The following POMT1 variants were observed in gnomAD, a reference collection of about 807,000 sequenced individuals.
POMT1 encodes the protein protein O-mannosyl-transferase 1.
A neutral mutation model predicts 101.6 loss-of-function variants in POMT1; 85 were observed. The ratio of observed to expected loss-of-function variants is 0.84; its 90% CI spans 0.70 to 1.00. The LOEUF is 1.00. Ranked by LOEUF, POMT1 falls within the 50% of genes least tolerant of loss-of-function variation. POMT1 has a pLI of 0.00. For missense variants in POMT1, 857 were observed against 930.4 expected, an observed-to-expected ratio of 0.92 and a Z score of 1.03; for synonymous variants, 371 against 383.0, an observed-to-expected ratio of 0.97 and a Z score of 0.37.
chr9:131,508,454 C>A (rs1035040385), intron 5 of POMT1, among the ~76,000 whole-genome samples: 1 of 152,168 alleles, frequency 6.6e-6, no homozygotes, highest in Non-Finnish European at 1.5e-5. Flanking sequence ...TCGCTTGAAC[C>A]CGGGAGGCGG....
At chr9:131,511,127 T>C (rs908189866) in intron 9 of POMT1, 2 of 569,986 alleles carry the variant, frequency 3.5e-6, no homozygotes, top group African/African-American at 3.7e-5. Flanking sequence ...ACTGAGTGCC[T>C]GGCCCAGAGG....
intron 2 of POMT1, among the ~76,000 whole-genome samples, chr9:131,504,747 ATGTGTGTATGTG>A (rs1354449763): frequency 1.5e-4 from 18 of 122,774 alleles, no homozygotes; most frequent in Admixed American, 5.7e-4. Flanking sequence ...TAACTGATTA[ATGTGTGTATGTG>A]TGTGTGTGTG....
At chr9:131,504,871 T>A (rs1033328817) in intron 2 of POMT1, among the ~76,000 whole-genome samples, 3 of 151,246 alleles carry the variant, frequency 2.0e-5, no homozygotes, top group African/African-American at 7.3e-5. Flanking sequence ...CTCTGCCTCC[T>A]GGGTTCAAGC....
At chr9:131,518,768 T>G in intron 14 of POMT1, 69 bp from the exon 15 acceptor site, 1 of 1,612,278 alleles carries the variant, frequency 6.2e-7, no homozygotes, top group Non-Finnish European at 8.5e-7. Context: ...GGGTTCCCCT[T>G]CCAACCCAAG....
At chr9:131,520,454 T>C (rs1949695308) in intron 17 of POMT1, among the ~76,000 whole-genome samples, 1 of 152,192 alleles carries the variant, frequency 6.6e-6, no homozygotes, top group Non-Finnish European at 1.5e-5. Context: ...CTGGCGAAAG[T>C]GGTTTTAAGA....
chr9:131,504,103 G>T lies in POMT1; in HGVS notation c.-30-86G>T. Reference sequence around the variant, plus strand: ...GCCCGGCTGTGCTGTGGTTCTCCTCGTGTGTCCGGGAGCCGGGTGGCTGGG... The same window carrying T: ...GCCCGGCTGTGCTGTGGTTCTCCTCTTGTGTCCGGGAGCCGGGTGGCTGGG... On this transcript the variant is annotated intron_variant, in intron 1 of 19. Coordinates refer to ENST00000402686, the MANE Select transcript of POMT1 (RefSeq NM_001077365.2). The T allele has an allele frequency of 2.6e-6, 4 of 1,510,624 alleles. No homozygotes were observed. The Admixed American group carries it at 5.0e-5, about 19-fold the overall frequency. 93.6% of individuals were successfully genotyped at this position (1,510,624 alleles called of 1,614,324 possible).
chr9:131,522,134 C>T lies in POMT1; in HGVS notation c.1913C>T (p.Thr638Ile). Residue 638 changes from threonine to isoleucine, a missense_variant, in exon 19 of 20, where the codon ACA becomes ATA. Physicochemically the swap from Thr to Ile is moderately conservative, Grantham distance 89. Coordinates refer to ENST00000402686, the MANE Select transcript of POMT1 (RefSeq NM_001077365.2). This position sits in a 1 kb window ranked among gnomAD's most constrained non-coding sequence, Gnocchi z 5.5. ...NYLPFFLMEK[T>I]LFLYHYLPAL... ...CTCCCGTTCTTCCTGATGGAGAAGACACTCTTCCTCTACCACTACCTGCCC... is the reference window on the plus strand; with the variant it reads ...CTCCCGTTCTTCCTGATGGAGAAGATACTCTTCCTCTACCACTACCTGCCC... 6.2e-7 allele frequency: 1 copy of T among 1,614,170 alleles called. No individual in the cohort carries two copies. Among genetic ancestry groups the T allele is most frequent in the Non-Finnish European group, 8.5e-7 (1 of 1,180,042 alleles).
intron 2 of POMT1, among the ~76,000 whole-genome samples, chr9:131,505,746 G>C (rs1350007788): frequency 6.7e-6 from 1 of 149,966 alleles, no homozygotes; most frequent in Non-Finnish European, 1.5e-5. Context: ...GACATGTGCT[G>C]CTGGTGGGGG....
intron 1 of POMT1, 103 bp from the exon 2 acceptor site, chr9:131,504,086 G>C: frequency 7.2e-7 from 1 of 1,385,498 alleles, no homozygotes; most frequent in Non-Finnish European, 1.0e-6. Flanking sequence ...CAGCCCGGCT[G>C]TGCTGTGGTT....
intron 6 of POMT1, among the ~76,000 whole-genome samples, 181 bp from the exon 7 acceptor site, chr9:131,509,562 C>T (rs1946636551): frequency 6.6e-6 from 1 of 152,136 alleles, no homozygotes; most frequent in African/African-American, 2.4e-5. Context: ...ATTTTCTGGG[C>T]AAAAAGAAAA....
intron 18 of POMT1, 112 bp downstream of exon 18, chr9:131,521,584 C>T: frequency 7.7e-7 from 1 of 1,296,164 alleles, no homozygotes; most frequent in Non-Finnish European, 1.1e-6. Flanking sequence ...CCTGCCTCGG[C>T]CTCCCATAGT....
chr9:131,510,990 T>G, intron 9 of POMT1: 2 of 291,272 alleles, frequency 6.9e-6, no homozygotes, highest in Admixed American at 4.8e-5. Context: ...GCTGTAGTGC[T>G]GTGTGTTTCA....
At chr9:131,508,113 T>C (rs1222413918) in intron 5 of POMT1, among the ~76,000 whole-genome samples, 2 of 151,962 alleles carry the variant, frequency 1.3e-5, no homozygotes, top group East Asian at 3.9e-4. Flanking sequence ...GGCAGGTGCC[T>C]GTAATCCCAG....
intron 5 of POMT1, 72 bp downstream of exon 5, chr9:131,507,586 A>G: frequency 6.2e-7 from 1 of 1,601,348 alleles, no homozygotes; most frequent in Non-Finnish European, 8.5e-7. Flanking sequence ...GGAAGATCAC[A>G]TGGGCTTGGT....
Position 131,510,383 on chromosome 9 carries a change from A to G in POMT1, c.823A>G (p.Ile275Val), listed in dbSNP as rs1182745051. ...LVFRSGPHDQ[I>V]MSSAFQASLE... ...CTTCCGCTCTGGGCCCCACGACCAA[A>G]TCATGTCCAGTGCCTTCCAGGCCAG... The change falls in exon 9 of 20, where the codon ATC becomes GTC. Residue 275 changes from isoleucine to valine, a missense_variant. Coordinates refer to ENST00000402686, the MANE Select transcript of POMT1 (RefSeq NM_001077365.2). 1 of 1,614,028 alleles carries G rather than the reference A, an allele frequency of 6.2e-7. No homozygotes were observed. Among genetic ancestry groups the G allele is most frequent in the Non-Finnish European group, 8.5e-7 (1 of 1,180,006 alleles).
intron 2 of POMT1, among the ~76,000 whole-genome samples, chr9:131,505,100 T>G (rs930158683): frequency 6.6e-6 from 1 of 151,490 alleles, no homozygotes; most frequent in Non-Finnish European, 1.5e-5. Flanking sequence ...GTTTAACTTT[T>G]TATTATGGAA....
chr9:131,505,364 G>A (rs891603792), intron 2 of POMT1, among the ~76,000 whole-genome samples: 4 of 145,318 alleles, frequency 2.8e-5, no homozygotes, highest in Admixed American at 1.4e-4. Context: ...TGGTGCGATC[G>A]TGATTCTCCT....
At chr9:131,520,031 C>T (rs772974366) in intron 16 of POMT1, 49 bp from the exon 17 acceptor site, 33 of 1,467,580 alleles carry the variant, frequency 2.2e-5, no homozygotes, top group South Asian at 3.4e-5. Context: ...CCACGCACAG[C>T]GGGAGGCATC....
At chr9:131,507,613 A>G in intron 5 of POMT1, 99 bp downstream of exon 5, 1 of 1,533,578 alleles carries the variant, frequency 6.5e-7, no homozygotes, top group Non-Finnish European at 8.9e-7. Context: ...GCTGCACCAG[A>G]AAGTGCATCT....
Sources: allele counts gnomAD v4.1 joint callset (sites outside exome capture counted in the v4.1 genomes callset), GRCh38; gene constraint gnomAD v4.1.1; non-coding constraint Gnocchi (gnomAD v3.1); transcripts MANE v1.5; gene names NCBI Gene and HGNC (gene_info 2026-07-23, HGNC 2026-07-21).